PRKN: variants seen among roughly 807,000 people sequenced by gnomAD.
The protein encoded by PRKN is E3 ubiquitin-protein ligase parkin.
In PRKN, 56 loss-of-function variants were observed where a neutral mutation model predicts 59.5. The observed-to-expected ratio is 0.94, with a 90% CI of 0.76 to 1.18. PRKN has a LOEUF of 1.18. Ranked by LOEUF, PRKN falls within the 50% of genes most tolerant of loss-of-function variation. The pLI, the probability that PRKN is intolerant of heterozygous loss-of-function variation, is 0.00. For missense variants in PRKN, 657 were observed against 596.4 expected (o/e 1.10, Z -1.06); for synonymous variants, 250 against 222.1 (o/e 1.13, Z -1.12).
At chr6:162,664,622 A>G (rs1018552138) in intron 1 of PRKN, among the ~76,000 whole-genome samples, 1 of 151,718 alleles carries the variant, frequency 6.6e-6, no homozygotes, top group Non-Finnish European at 1.5e-5. Context: ...TGTGGTTTTG[A>G]TTTGCATTTC....
At chr6:162,424,330 T>A (rs1789118376) in intron 2 of PRKN, among the ~76,000 whole-genome samples, 1 of 152,068 alleles carries the variant, frequency 6.6e-6, no homozygotes, top group Non-Finnish European at 1.5e-5. Context: ...TGGATCCATG[T>A]CACTAAACAT....
At chr6:162,509,268 A>G (rs1020560768) in intron 1 of PRKN, among the ~76,000 whole-genome samples, 2 of 152,182 alleles carry the variant, frequency 1.3e-5, no homozygotes, top group Non-Finnish European at 2.9e-5. Flanking sequence ...TTCCTTTCCA[A>G]CCTGGTATCC....
chr6:162,338,664 CG>C (rs1783968495), intron 2 of PRKN, among the ~76,000 whole-genome samples: 1 of 152,186 alleles, frequency 6.6e-6, no homozygotes, highest in East Asian at 2.0e-4. Context: ...AGCCTCTGCC[CG>C]GCCGCCACCC....
chr6:161,722,628 C>T (rs1356070029), intron 7 of PRKN, among the ~76,000 whole-genome samples: 1 of 152,174 alleles, frequency 6.6e-6, no homozygotes, highest in Non-Finnish European at 1.5e-5. Context: ...CGAAGTTGAT[C>T]CAATTTATAC....
chr6:162,568,949 G>T (rs1780200485), intron 1 of PRKN: 1 of 665,806 alleles, frequency 1.5e-6, no homozygotes, highest in Non-Finnish European at 2.7e-6. Context: ...TGTAGTCTCA[G>T]CTGGAAGGGC....
At chr6:162,573,920 G>A (rs374243397) in intron 1 of PRKN, among the ~76,000 whole-genome samples, 26 of 152,186 alleles carry the variant, frequency 1.7e-4, no homozygotes, top group East Asian at 9.6e-4. Flanking sequence ...AAAACTAGTC[G>A]TGGGGAAGTG....
At chr6:162,280,895 A>C (rs1446864851) in intron 2 of PRKN, among the ~76,000 whole-genome samples, 1 of 152,018 alleles carries the variant, frequency 6.6e-6, no homozygotes, top group Non-Finnish European at 1.5e-5. Context: ...CCTTCCAAAA[A>C]ATCAATGAAT....
intron 6 of PRKN, among the ~76,000 whole-genome samples, chr6:161,898,702 T>C (rs1185892212): frequency 3.9e-5 from 6 of 152,174 alleles, no homozygotes; most frequent in African/African-American, 1.4e-4. Context: ...GGTGGCAAGT[T>C]TCATAAAATG....
chr6:161,408,265 G>A (rs929540521), intron 9 of PRKN, among the ~76,000 whole-genome samples: 3 of 148,116 alleles, frequency 2.0e-5, no homozygotes, highest in Non-Finnish European at 4.4e-5. Flanking sequence ...TAAACATGGC[G>A]TTAGAGAAAT....
At chr6:161,583,015 CACACACAT>C (rs1182477974) in intron 7 of PRKN, among the ~76,000 whole-genome samples, 4,211 of 136,500 alleles carry the variant, frequency 0.031, 131 homozygotes, top group East Asian at 0.091. Context: ...CACACACACA[CACACACAT>C]ACACATTTTG....
Position 161,444,337 on chromosome 6 carries a change from A to G in PRKN, c.1084-57460T>C, listed in dbSNP as rs145974104. Among the ~76,000 whole-genome samples the G allele has an allele frequency of 1.6e-4, 25 of 152,346 alleles. No individual in the cohort carries two copies. The highest frequency in any genetic ancestry group is 6.0e-4 in the African/African-American group (25 of 41,582). ...TCCTTAAAGACACATTCTCTGATGA[A>G]CAGAATGTGCTCTGTAATGGGTTTA... is the stretch of plus-strand genomic sequence containing the variant. On this transcript the variant is annotated intron_variant, in intron 9 of 11. Coordinates refer to ENST00000366898, the MANE Select transcript of PRKN (RefSeq NM_004562.3). The surrounding 1 kb of genome is among the most constrained non-coding windows in gnomAD (Gnocchi z 5.6).
rs1307692063 is a variant in PRKN at position 161,377,067 on chromosome 6, C to T, written c.1167+9727G>A. ...CGCCCTGTCTCTGCGGCTGTGCACG[C>T]AGGCAGACCCTGTGGATTCCAGGTG... On this transcript the variant is annotated intron_variant, in intron 10 of 11. Transcript: ENST00000366898. The surrounding 1 kb of genome is among the most constrained non-coding windows in gnomAD (Gnocchi z 4.2). Among the ~76,000 whole-genome samples, 1 of 152,230 alleles carries T rather than the reference C, an allele frequency of 6.6e-6. No homozygotes were observed. The highest frequency in any genetic ancestry group is 1.5e-5 in the Non-Finnish European group (1 of 68,040).
intron 1 of PRKN, among the ~76,000 whole-genome samples, chr6:162,693,886 A>T (rs2128235568): frequency 6.6e-6 from 1 of 152,320 alleles, no homozygotes; most frequent in South Asian, 2.1e-4. Flanking sequence ...AAAGCATACT[A>T]TAAATATCTC....
At chr6:161,679,923 T>G (rs2128171980) in intron 7 of PRKN, among the ~76,000 whole-genome samples, 1 of 151,660 alleles carries the variant, frequency 6.6e-6, no homozygotes, top group Non-Finnish European at 1.5e-5. Flanking sequence ...CTGGCTACCT[T>G]TTTTTTATTT....
Position 161,410,960 on chromosome 6 carries a change from G to C in PRKN, c.1084-24083C>G, listed in dbSNP as rs904157027. ...AAACAGGAAGTTTCATCCTGAAACC[G>C]GTTTCCTCAGGTGGAAGGAAGGCAG... is the stretch of plus-strand genomic sequence containing the variant. On this transcript the variant is annotated intron_variant, in intron 9 of 11. Transcript: ENST00000366898. The surrounding 1 kb of genome is among the most constrained non-coding windows in gnomAD (Gnocchi z 5.3). 6.6e-6 allele frequency among the ~76,000 whole-genome samples: 1 copy of C among 152,104 alleles called. No homozygotes were observed. The highest frequency in any genetic ancestry group is 1.9e-4 in the East Asian group (1 of 5,194).
intron 2 of PRKN, among the ~76,000 whole-genome samples, chr6:162,414,660 A>G (rs1156653621): frequency 6.9e-6 from 1 of 145,078 alleles, no homozygotes; most frequent in Non-Finnish European, 1.5e-5. Context: ...GCAGTGAACC[A>G]AGATCGCACC....
chr6:162,021,624 A>G (rs1783205050), intron 5 of PRKN, among the ~76,000 whole-genome samples: 1 of 152,046 alleles, frequency 6.6e-6, no homozygotes, highest in South Asian at 2.1e-4. Context: ...GTGCGTACAA[A>G]TCACCTGATG....
intron 2 of PRKN, among the ~76,000 whole-genome samples, chr6:162,313,644 T>C (rs529154199): frequency 3.9e-5 from 6 of 152,034 alleles, no homozygotes; most frequent in Admixed American, 2.0e-4. Context: ...CGTACCATCA[T>C]GCCCGGCTAA....
intron 1 of PRKN, among the ~76,000 whole-genome samples, chr6:162,488,359 T>A (rs972651998): frequency 3.3e-5 from 5 of 152,160 alleles, no homozygotes; most frequent in African/African-American, 1.2e-4. Context: ...GACAATAAAA[T>A]TATTGAAAAG....
Sources: gnomAD v4.1 joint callset for allele counts (sites outside exome capture counted in the v4.1 genomes callset) on GRCh38, gnomAD v4.1.1 for gene constraint, Gnocchi (gnomAD v3.1) non-coding constraint, MANE v1.5 for transcripts, NCBI Gene and HGNC (gene_info 2026-07-23, HGNC 2026-07-21) for gene names.